The following MCC variants were observed in gnomAD, a reference collection of about 807,000 sequenced individuals.
The protein encoded by MCC is MCC regulator of Wnt signaling pathway.
In MCC, 90 loss-of-function variants were observed where a neutral mutation model predicts 116.2. That is an observed-to-expected ratio of 0.77 (90% confidence interval 0.65 to 0.92). MCC has a LOEUF of 0.92. MCC is among the 40% of genes least tolerant of loss of function. MCC has a pLI of 0.00. For synonymous variants in MCC, 578 were observed against 510.5 expected (o/e 1.13, Z -1.78); for missense variants, 1,516 against 1,312.2 (o/e 1.16, Z -2.40).
At chr5:113,359,598 G>A (rs1768497416) in intron 2 of MCC, among the ~76,000 whole-genome samples, 1 of 152,238 alleles carries the variant, frequency 6.6e-6, no homozygotes, top group Non-Finnish European at 1.5e-5. Flanking sequence ...AAGCACAGCT[G>A]AGGCAAGCCT....
At chr5:113,113,753 C>T (rs1451724128) in intron 6 of MCC, among the ~76,000 whole-genome samples, 2 of 150,074 alleles carry the variant, frequency 1.3e-5, no homozygotes, top group African/African-American at 4.9e-5. Context: ...ATAACACTAA[C>T]CTGACGTCCT....
intron 3 of MCC, among the ~76,000 whole-genome samples, chr5:113,171,095 C>A (rs567557173): frequency 6.6e-6 from 1 of 151,958 alleles, no homozygotes. Context: ...AAAATTTGAT[C>A]ACAACTGCCT....
intron 3 of MCC, among the ~76,000 whole-genome samples, chr5:113,198,029 G>T (rs887901954): frequency 5.3e-5 from 8 of 152,348 alleles, no homozygotes; most frequent in African/African-American, 1.2e-4. Flanking sequence ...AGAACTGGTG[G>T]CCAGCCACGC....
At chr5:113,074,299 C>T (rs1055366269) in intron 11 of MCC, among the ~76,000 whole-genome samples, 3 of 152,228 alleles carry the variant, frequency 2.0e-5, no homozygotes, top group Admixed American at 6.5e-5. Flanking sequence ...CAAACTCCAA[C>T]AGACCTGCAG....
intron 3 of MCC, among the ~76,000 whole-genome samples, chr5:113,314,943 G>A (rs1164852902): frequency 6.6e-6 from 1 of 152,188 alleles, no homozygotes; most frequent in Admixed American, 6.5e-5. Context: ...CAGCAGGACT[G>A]GTCTTAGTGC....
Position 113,361,258 on chromosome 5 carries a change from T to TA in MCC, c.416-20529dup, listed in dbSNP as rs11339634. On this transcript the variant is annotated intron_variant, in intron 2 of 18. Coordinates refer to ENST00000408903, the MANE Select transcript of MCC (RefSeq NM_001085377.2). ...GGAAGTTATCAATTTCATAAATCTT[T>TA]AAAAAAAAAACCCATCTTCAGTCTT... 6.6e-4 allele frequency among the ~76,000 whole-genome samples: 99 copies of TA among 149,780 alleles called. No individual in the cohort carries two copies. The South Asian group carries it at 8.9e-3, about 14-fold the overall frequency.
chr5:113,276,378 G>A (rs532301814), intron 3 of MCC, among the ~76,000 whole-genome samples: 2 of 152,230 alleles, frequency 1.3e-5, no homozygotes, highest in Admixed American at 1.3e-4. Flanking sequence ...GGGGCATCAA[G>A]GTACCCTTGT....
At chr5:113,139,363 G>C (rs1435649492) in intron 5 of MCC, among the ~76,000 whole-genome samples, 1 of 152,128 alleles carries the variant, frequency 6.6e-6, no homozygotes, top group Non-Finnish European at 1.5e-5. Context: ...GTATAACATA[G>C]TAACATACTC....
At chr5:113,261,019 T>C (rs1192956488) in intron 3 of MCC, among the ~76,000 whole-genome samples, 1 of 152,176 alleles carries the variant, frequency 6.6e-6, no homozygotes, top group Admixed American at 6.5e-5. Flanking sequence ...ATGAATTATG[T>C]GGCCAATATA....
At chr5:113,334,743 A>G (rs1767830072) in intron 3 of MCC, among the ~76,000 whole-genome samples, 1 of 150,844 alleles carries the variant, frequency 6.6e-6, no homozygotes, top group South Asian at 2.1e-4. Flanking sequence ...GGCACGCACC[A>G]CCACACCCGG....
intron 1 of MCC, among the ~76,000 whole-genome samples, chr5:113,440,507 T>C (rs569475817): frequency 6.6e-6 from 1 of 152,212 alleles, no homozygotes; most frequent in East Asian, 1.9e-4. Flanking sequence ...GGTCTTTGGA[T>C]TCTCAATGCA....
intron 1 of MCC, among the ~76,000 whole-genome samples, chr5:113,486,393 G>A (rs1772526632): frequency 6.6e-6 from 1 of 152,184 alleles, no homozygotes; most frequent in African/African-American, 2.4e-5. Context: ...TACGCTTACA[G>A]AATTCATTAT....
chr5:113,046,983 C>T (rs1189229789), intron 16 of MCC, among the ~76,000 whole-genome samples: 2 of 152,166 alleles, frequency 1.3e-5, no homozygotes, highest in Non-Finnish European at 2.9e-5. Context: ...CCACAACCCT[C>T]CGGGCCATTA....
chr5:113,326,377 G>C (rs1198361233), intron 3 of MCC, among the ~76,000 whole-genome samples: 1 of 152,192 alleles, frequency 6.6e-6, no homozygotes, highest in Non-Finnish European at 1.5e-5. Flanking sequence ...TACTCTCACA[G>C]TTCTGGAGGC....
At chr5:113,138,819 CA>C (rs1759004376) in intron 5 of MCC, among the ~76,000 whole-genome samples, 1 of 152,154 alleles carries the variant, frequency 6.6e-6, no homozygotes, top group African/African-American at 2.4e-5. Flanking sequence ...AAGTACCTGC[CA>C]TTCTCTTTGA....
chr5:113,088,650 C>A (rs1175602707), intron 8 of MCC, among the ~76,000 whole-genome samples: 1 of 151,934 alleles, frequency 6.6e-6, no homozygotes, highest in African/African-American at 2.4e-5. Flanking sequence ...AGATTGGACA[C>A]AAGTCAAAGA....
At chr5:113,086,201 A>G (rs923479346) in intron 8 of MCC, among the ~76,000 whole-genome samples, 12 of 152,362 alleles carry the variant, frequency 7.9e-5, no homozygotes, top group African/African-American at 2.4e-4. Context: ...AGGGAAGAAT[A>G]TAACTCCAGC....
At chr5:113,407,965 T>C (rs1769883421) in intron 1 of MCC, among the ~76,000 whole-genome samples, 1 of 152,168 alleles carries the variant, frequency 6.6e-6, no homozygotes, top group South Asian at 2.1e-4. Context: ...GTGCCAAAAC[T>C]AGGACTAGAA....
chr5:113,137,688 G>A (rs76842539), intron 5 of MCC, among the ~76,000 whole-genome samples: 3,527 of 152,062 alleles, frequency 0.023, 133 homozygotes, highest in African/African-American at 0.08. Flanking sequence ...CCCTGTCTGC[G>A]TTTGGTATCA....
Sources: gnomAD v4.1 joint callset for allele counts (sites outside exome capture counted in the v4.1 genomes callset) on GRCh38, gnomAD v4.1.1 for gene constraint, MANE v1.5 for transcripts, NCBI Gene and HGNC (gene_info 2026-07-23, HGNC 2026-07-21) for gene names.